The following TMEM132C variants were observed in gnomAD, a reference collection of about 807,000 sequenced individuals.
The protein encoded by TMEM132C is protein phosphatase 1, regulatory subunit 152.
A neutral mutation model predicts 61.4 loss-of-function variants in TMEM132C; 29 were observed. That is an observed-to-expected ratio of 0.47 (90% CI 0.35 to 0.64). The LOEUF (loss-of-function observed/expected upper bound fraction) is 0.64, where lower values mean the gene tolerates loss of function less well. TMEM132C is among the 30% of genes least tolerant of loss of function. TMEM132C has a pLI of 0.00. For synonymous variants in TMEM132C, 656 were observed against 633.1 expected (o/e 1.04, Z -0.54); for missense variants, 1,408 against 1,476.9 (o/e 0.95, Z 0.76).
intron 8 of TMEM132C, among the ~76,000 whole-genome samples, chr12:128,698,461 G>A (rs2135657953): frequency 6.6e-6 from 1 of 152,326 alleles, no homozygotes; most frequent in South Asian, 2.1e-4. Flanking sequence ...TCACAGCTGT[G>A]TCCGTTACCA....
At chr12:128,523,460 C>T (rs1244365572) in intron 2 of TMEM132C, among the ~76,000 whole-genome samples, 1 of 152,062 alleles carries the variant, frequency 6.6e-6, no homozygotes, top group Non-Finnish European at 1.5e-5. Context: ...AAAAAGAAAA[C>T]TAATTTTCTC....
At chr12:128,288,700 C>T (rs1246604662) in intron 1 of TMEM132C, 2 of 152,184 alleles carry the variant, frequency 1.3e-5, no homozygotes, top group Non-Finnish European at 2.9e-5. Context: ...GAGGCTGGCA[C>T]TCTTATATAT....
chr12:128,452,618 C>T lies in TMEM132C; in HGVS notation c.974+36998C>T, dbSNP rs370942463. On this transcript the variant is annotated intron_variant, in intron 2 of 8. Transcript: ENST00000435159. ...GGGCCGGGTGCTGAGGTAGGAGAAT[C>T]GCTTGAACCCGGGAGGCAGAGATTT... is the stretch of plus-strand genomic sequence containing the variant. Among the ~76,000 whole-genome samples the T allele has an allele frequency of 1.7e-3, 258 of 151,556 alleles. 5 individuals are homozygous for T. The highest frequency in any genetic ancestry group is 4.4e-4 in the Non-Finnish European group (30 of 67,904).
At chr12:128,283,079 C>G (rs141858368) in intron 1 of TMEM132C, among the ~76,000 whole-genome samples, 4 of 152,262 alleles carry the variant, frequency 2.6e-5, no homozygotes, top group African/African-American at 9.6e-5. Context: ...TGATCCTGTT[C>G]CTCATTAGAA....
intron 1 of TMEM132C, among the ~76,000 whole-genome samples, chr12:128,297,273 A>G (rs1298758728): frequency 6.6e-6 from 1 of 152,176 alleles, no homozygotes; most frequent in Admixed American, 6.5e-5. Flanking sequence ...TGCTGTGAAC[A>G]CCATGCAGAA....
chr12:128,569,695 A>C (rs1186791132), intron 3 of TMEM132C, among the ~76,000 whole-genome samples: 1 of 152,226 alleles, frequency 6.6e-6, no homozygotes, highest in Non-Finnish European at 1.5e-5. Flanking sequence ...TTGGTAAATC[A>C]AGACAGTCAG....
intron 2 of TMEM132C, among the ~76,000 whole-genome samples, chr12:128,466,052 C>T (rs752617447): frequency 1.3e-5 from 2 of 152,010 alleles, no homozygotes; most frequent in Non-Finnish European, 2.9e-5. Context: ...CCAAAAAAAC[C>T]CATATAGAAC....
chr12:128,479,478 T>A (rs1452658404), intron 2 of TMEM132C, among the ~76,000 whole-genome samples: 1 of 152,160 alleles, frequency 6.6e-6, no homozygotes, highest in African/African-American at 2.4e-5. Context: ...TTAAAACCAC[T>A]GGGGGAAAAA....
At chr12:128,321,562 A>G (rs963143595) in intron 1 of TMEM132C, among the ~76,000 whole-genome samples, 1 of 152,180 alleles carries the variant, frequency 6.6e-6, no homozygotes, top group African/African-American at 2.4e-5. Flanking sequence ...CTGTATCCTT[A>G]CCTGGTGGGG....
intron 4 of TMEM132C, among the ~76,000 whole-genome samples, chr12:128,646,586 C>T (rs1954201029): frequency 6.9e-6 from 1 of 144,504 alleles, no homozygotes; most frequent in South Asian, 2.2e-4. Flanking sequence ...TGGAGTCCAT[C>T]AGCGTTGGAT....
At chr12:128,379,230 A>G (rs898744151) in intron 1 of TMEM132C, among the ~76,000 whole-genome samples, 2 of 152,214 alleles carry the variant, frequency 1.3e-5, no homozygotes, top group Non-Finnish European at 2.9e-5. Flanking sequence ...AAGGAAAGAT[A>G]GGGGTCACAT....
intron 2 of TMEM132C, among the ~76,000 whole-genome samples, chr12:128,474,641 C>T (rs1322516300): frequency 3.3e-5 from 5 of 152,144 alleles, no homozygotes; most frequent in African/African-American, 7.2e-5. Context: ...CCGATGAGAA[C>T]GTTCATTGAA....
At chr12:128,284,951 TGTG>T (rs1652699657) in intron 1 of TMEM132C, among the ~76,000 whole-genome samples, 1 of 152,030 alleles carries the variant, frequency 6.6e-6, no homozygotes, top group African/African-American at 2.4e-5. Flanking sequence ...GCCTAGGCAA[TGTG>T]GTGAGAACCC....
intron 1 of TMEM132C, among the ~76,000 whole-genome samples, chr12:128,343,295 G>A (rs1193536765): frequency 1.2e-4 from 18 of 152,098 alleles, no homozygotes; most frequent in East Asian, 7.8e-4. Flanking sequence ...ATGGTAGCGC[G>A]TGGTTGTAGT....
intron 2 of TMEM132C, among the ~76,000 whole-genome samples, chr12:128,521,333 G>T (rs1011286831): frequency 6.6e-6 from 1 of 151,866 alleles, no homozygotes; most frequent in African/African-American, 2.4e-5. Flanking sequence ...GTGTGTGTGT[G>T]TGTGTGTGTG....
At chr12:128,445,634 C>T (rs908057530) in intron 2 of TMEM132C, among the ~76,000 whole-genome samples, 7 of 152,172 alleles carry the variant, frequency 4.6e-5, no homozygotes, top group East Asian at 1.9e-4. Flanking sequence ...AGCACCCAGG[C>T]GGCTGCCGCT....
chr12:128,705,053 C>A (rs1414356045), intron 8 of TMEM132C, 37 bp from the exon 9 acceptor site: 4 of 1,476,602 alleles, frequency 2.7e-6, no homozygotes, highest in South Asian at 2.7e-5. Flanking sequence ...GAAAAGGCAT[C>A]CCCCAGGTGG....
At chr12:128,677,654 C>T (rs1409385398) in intron 5 of TMEM132C, among the ~76,000 whole-genome samples, 1 of 152,300 alleles carries the variant, frequency 6.6e-6, no homozygotes, top group East Asian at 1.9e-4. Flanking sequence ...CCCTGGGTGC[C>T]CCCACCCTGG....
At chr12:128,544,279 AG>A (rs754890524) in intron 3 of TMEM132C, among the ~76,000 whole-genome samples, 176 bp downstream of exon 3, 75 of 152,236 alleles carry the variant, frequency 4.9e-4, no homozygotes, top group Non-Finnish European at 9.0e-4. Context: ...CCTCTGCAGC[AG>A]GGCGGGGTGG....
Sources: gnomAD v4.1 joint callset for allele counts (sites outside exome capture counted in the v4.1 genomes callset) on GRCh38, gnomAD v4.1.1 for gene constraint, MANE v1.5 for transcripts, NCBI Gene and HGNC (gene_info 2026-07-23, HGNC 2026-07-21) for gene names.